Variants in DHCR7 observed in about 807,000 individuals in gnomAD.
The protein encoded by DHCR7 is 7-DHC reductase.
DHCR7 carries 40 observed loss-of-function variants against 43.3 expected under a neutral mutation model. That is an observed-to-expected ratio of 0.92 (90% CI 0.72 to 1.20). The LOEUF (loss-of-function observed/expected upper bound fraction) is 1.20, where lower values mean the gene tolerates loss of function less well. Ranked by LOEUF, DHCR7 falls within the 50% of genes most tolerant of loss-of-function variation. The pLI is 0.00. For missense variants in DHCR7, 608 were observed against 644.6 expected (o/e 0.94, Z 0.62); for synonymous variants, 298 against 271.4 (o/e 1.10, Z -0.96).
intron 2 of DHCR7, among the ~76,000 whole-genome samples, chr11:71,446,329 G>T (rs1212470899): frequency 1.4e-5 from 2 of 147,640 alleles, no homozygotes; most frequent in Non-Finnish European, 3.0e-5. Context: ...ATATAAGGAA[G>T]GAAAAAAAGA....
intron 6 of DHCR7, 71 bp downstream of exon 6, chr11:71,441,156 A>G: frequency 1.4e-6 from 2 of 1,426,648 alleles, no homozygotes; most frequent in Non-Finnish European, 9.9e-7. Flanking sequence ...CACCTGCCCC[A>G]GGCAGCAAGA....
intron 2 of DHCR7, among the ~76,000 whole-genome samples, chr11:71,445,801 C>A (rs11233706): frequency 6.6e-6 from 1 of 152,322 alleles, no homozygotes; most frequent in East Asian, 1.9e-4. Flanking sequence ...TTTAAAATAT[C>A]TGAGATTTTT....
chr11:71,442,379 C>G, intron 4 of DHCR7, 26 bp from the exon 5 acceptor site: 1 of 1,569,880 alleles, frequency 6.4e-7, no homozygotes, highest in Non-Finnish European at 8.8e-7. Context: ...AGCCTGATCA[C>G]CCCCCGCCTG....
chr11:71,439,023 G>C lies in DHCR7; in HGVS notation c.687C>G (p.Ile229Met), dbSNP rs267603172. 3 of 1,614,126 alleles carry C rather than the reference G, an allele frequency of 1.9e-6. No homozygotes were observed. The Admixed American group carries it at 5.0e-5, about 27-fold the overall frequency. The change falls in exon 7 of 9, where the codon ATC becomes ATG. Residue 229 changes from isoleucine (I) to methionine (M), a missense_variant. Transcript: ENST00000355527. ...ACAGCTTGAAGTCAAACCACTTCCC[G>C]ATCCGAGGGTTAAACTCGATGCCCA... is the stretch of plus-strand genomic sequence containing the variant. ...YMMGIEFNPR[I>M]GKWFDFKLFF... is the part of the protein sequence containing the mutation.
At chr11:71,444,731 A>AC in intron 3 of DHCR7, 124 bp downstream of exon 3, 6 of 815,270 alleles carry the variant, frequency 7.4e-6, no homozygotes, top group Non-Finnish European at 4.0e-6. Context: ...ATTAGTCTTG[A>AC]CAAAAAAAAA....
At chr11:71,438,185 C>A (rs1275140660) in intron 7 of DHCR7, among the ~76,000 whole-genome samples, 1 of 152,220 alleles carries the variant, frequency 6.6e-6, no homozygotes, top group Non-Finnish European at 1.5e-5. Flanking sequence ...TCTCTCCCAG[C>A]CCAGGTTCTC....
intron 7 of DHCR7, 135 bp downstream of exon 7, chr11:71,438,744 T>C: frequency 2.1e-6 from 2 of 945,100 alleles, no homozygotes; most frequent in Non-Finnish European, 3.3e-6. Flanking sequence ...GGCTGCTTCC[T>C]GGTGACACCT....
downstream of DHCR7, among the ~76,000 whole-genome samples, chr11:71,431,392 T>C (rs928763453): frequency 1.1e-4 from 17 of 152,236 alleles, no homozygotes; most frequent in Non-Finnish European, 2.4e-4. Context: ...TCCACCTCTG[T>C]CTGCTGGGCA....
At chr11:71,438,014 A>C in intron 7 of DHCR7, 71 bp from the exon 8 acceptor site, 1 of 1,586,034 alleles carries the variant, frequency 6.3e-7, no homozygotes, top group Non-Finnish European at 8.6e-7. Flanking sequence ...GGGAAATCAC[A>C]CTCCACGCAG....
intron 2 of DHCR7, among the ~76,000 whole-genome samples, chr11:71,445,506 A>G (rs1196841199): frequency 6.6e-6 from 1 of 152,094 alleles, no homozygotes; most frequent in Admixed American, 6.5e-5. Context: ...TTATTTTCTT[A>G]GTAACTCTCC....
Position 71,434,960 on chromosome 11 carries a change from C to T in DHCR7, c.*415G>A, listed in dbSNP as rs1949255238. 5.2e-6 allele frequency: 2 copies of T among 387,076 alleles called. No homozygotes were observed. Among genetic ancestry groups the T allele is most frequent in the South Asian group, 1.9e-5 (1 of 51,468 alleles). The allele number at this position is 387,076 out of a possible 1,614,324, so 24.0% of individuals were successfully genotyped here. ...GGCAATACATGGATAACGCGCACGC[C>T]CCACTCCCACTTTTATTTAGCAAGA... On this transcript the variant is annotated 3_prime_UTR_variant, in exon 9 of 9. Coordinates refer to ENST00000355527, the MANE Select transcript of DHCR7 (RefSeq NM_001360.3).
intron 5 of DHCR7, among the ~76,000 whole-genome samples, 182 bp from the exon 6 acceptor site, chr11:71,441,622 G>T (rs1357752875): frequency 6.6e-6 from 1 of 152,184 alleles, no homozygotes; most frequent in African/African-American, 2.4e-5. Context: ...GGAACTACCT[G>T]CTCCTAGGAA....
upstream of DHCR7, chr11:71,448,798 C>G (rs1218989739): frequency 6.6e-6 from 1 of 152,310 alleles, no homozygotes; most frequent in Non-Finnish European, 1.5e-5. Context: ...TGTCCAGGCG[C>G]CGGTGCACCG....
At chr11:71,428,514 G>A (rs190825231) in exon 3 of DHCR7, 239 of 172,684 alleles carry the variant, frequency 1.4e-3, no homozygotes, top group Admixed American at 2.9e-3. Context: ...ACTTGTTCCC[G>A]ATCTTTTCAC....
Position 71,437,958 on chromosome 11 carries a change from C to T in DHCR7, c.832-15G>A, listed in dbSNP as rs1482948071. 4 of 1,611,522 alleles carry T rather than the reference C, an allele frequency of 2.5e-6. No individual in the cohort carries two copies. Among genetic ancestry groups the T allele is most frequent in the Non-Finnish European group, 3.4e-6 (4 of 1,179,972 alleles). On this transcript the variant is annotated splice_polypyrimidine_tract_variant and intron_variant, in intron 7 of 8. Coordinates refer to ENST00000355527, the MANE Select transcript of DHCR7 (RefSeq NM_001360.3). The stretch of plus-strand genomic sequence containing the variant: ...ACGTAGATGGCCTGCAAGACAGAAG[C>T]AGCCGCTGACCACCCCCGGCCCTCC...
Position 71,435,357 on chromosome 11 carries a change from TC to T in DHCR7, c.*17del, listed in dbSNP as rs1221481674. The T allele has an allele frequency of 6.2e-7, 1 of 1,609,862 alleles. No individual in the cohort carries two copies. Among genetic ancestry groups the T allele is most frequent in the Admixed American group, 1.7e-5 (1 of 60,016 alleles). ...ACGCTCTTGACAGCCCCACAGGGCTTCTCCCTAGGGCGTGCCCTTAGAAGAT... is the reference window on the plus strand; with the variant it reads ...ACGCTCTTGACAGCCCCACAGGGCTTTCCCTAGGGCGTGCCCTTAGAAGAT... On this transcript the variant is annotated 3_prime_UTR_variant, in exon 9 of 9. Transcript: ENST00000355527.
intron 8 of DHCR7, 88 bp downstream of exon 8, chr11:71,437,724 G>GC (rs34177783): frequency 1.9e-6 from 3 of 1,574,658 alleles, no homozygotes; most frequent in Middle Eastern, 2.0e-4. Flanking sequence ...CAGCTTTGGT[G>GC]CCCCCAAGGA....
chr11:71,442,161 C>T, intron 5 of DHCR7, 102 bp downstream of exon 5: 3 of 914,576 alleles, frequency 3.3e-6, no homozygotes, highest in East Asian at 2.6e-5. Flanking sequence ...GGATTTCTAT[C>T]CTGTGACAAG....
rs745595242 is a variant in DHCR7 at position 71,444,026 on chromosome 11, G to A, written c.288C>T (p.Ala96=). 95 of 1,613,044 alleles carry A rather than the reference G, an allele frequency of 5.9e-5. No individual in the cohort carries two copies. Among genetic ancestry groups the A allele is most frequent in the Non-Finnish European group, 7.1e-5 (84 of 1,179,600 alleles). The change falls in exon 4 of 9, where the codon GCC becomes GCT. Residue 96 remains alanine, a synonymous_variant. Coordinates refer to ENST00000355527, the MANE Select transcript of DHCR7 (RefSeq NM_001360.3). ...WAKTPPITRK[A]AQLYTLWVTF... ...TGACCCACAAGGTATAGAGCTGGGCGGCTTTCCTCGTTATAGGTGGAGTCT... is the reference window on the plus strand; with the variant it reads ...TGACCCACAAGGTATAGAGCTGGGCAGCTTTCCTCGTTATAGGTGGAGTCT...
Sources: allele counts gnomAD v4.1 joint callset (sites outside exome capture counted in the v4.1 genomes callset), GRCh38; gene constraint gnomAD v4.1.1; transcripts MANE v1.5; gene names NCBI Gene and HGNC (gene_info 2026-07-23, HGNC 2026-07-21).